GPATCH2L: variants seen among roughly 807,000 people sequenced by gnomAD.
The protein encoded by GPATCH2L is G patch domain-containing protein 2-like.
In GPATCH2L, 31 loss-of-function variants were observed where a neutral mutation model predicts 57.4. The observed-to-expected ratio is 0.54, with a 90% confidence interval of 0.41 to 0.73. The LOEUF (loss-of-function observed/expected upper bound fraction) is 0.73, where lower values mean the gene tolerates loss of function less well. GPATCH2L is among the 30% of genes least tolerant of loss of function. GPATCH2L has a pLI of 0.00. For synonymous variants in GPATCH2L, 199 were observed against 210.7 expected, an observed-to-expected ratio of 0.94 and a Z score of 0.48; for missense variants, 481 against 599.9, an observed-to-expected ratio of 0.80 and a Z score of 2.07.
intron 1 of GPATCH2L, among the ~76,000 whole-genome samples, chr14:76,227,159 A>C (rs74825119): frequency 2.0e-5 from 3 of 152,192 alleles, no homozygotes; most frequent in Admixed American, 6.5e-5. Flanking sequence ...TTTTCTTTTC[A>C]AATAGGCTGT....
chr14:76,195,703 TAAAG>T (rs1363259005), intron 8 of GPATCH2L, among the ~76,000 whole-genome samples, 171 bp from the exon 9 acceptor site: 4 of 152,228 alleles, frequency 2.6e-5, no homozygotes, highest in Non-Finnish European at 1.5e-5. Flanking sequence ...GTATTGTGGA[TAAAG>T]AGTGAGTTAT....
chr14:76,177,324 G>A (rs2039371249), intron 6 of GPATCH2L, among the ~76,000 whole-genome samples: 2 of 152,182 alleles, frequency 1.3e-5, no homozygotes, highest in Non-Finnish European at 2.9e-5. Flanking sequence ...GGGATTACAG[G>A]TGTGAGCCGC....
Position 76,177,992 on chromosome 14 carries a change from A to G in GPATCH2L, c.1057A>G (p.Asn353Asp), listed in dbSNP as rs971778077. Reference protein sequence around the residue: ...IISDPRQKEKNKALASDFPHI... With the variant: ...IISDPRQKEKDKALASDFPHI... ...ATTTGGTTTCCTTTTCTTTAGAAAG[A>G]ATAAAGCGTTGGCTTCTGATTTTCC... Residue 353 changes from asparagine (N) to aspartate (D), a missense_variant, in exon 7 of 10, where the codon AAT becomes GAT. Around this residue, in one of 3 missense-constraint regions of GPATCH2L, gnomAD observed 248 missense variants for 270.5 expected, o/e 0.92. Coordinates refer to ENST00000261530, the MANE Select transcript of GPATCH2L (RefSeq NM_017926.4). 5.0e-6 allele frequency: 8 copies of G among 1,605,206 alleles called. No individual in the cohort carries two copies. In the African/African-American group the frequency reaches 1.1e-4, roughly 21 times the overall value.
intron 2 of GPATCH2L, among the ~76,000 whole-genome samples, chr14:76,165,158 A>C (rs942206429): frequency 2.0e-5 from 3 of 152,188 alleles, no homozygotes; most frequent in Non-Finnish European, 2.9e-5. Flanking sequence ...GGCCCAACTT[A>C]TACTAAGCAC....
chr14:76,173,974 C>T, intron 5 of GPATCH2L: 1 of 319,022 alleles, frequency 3.1e-6, no homozygotes, highest in Non-Finnish European at 5.7e-6. Flanking sequence ...TATGACTCCT[C>T]TTGAATTCAT....
chr14:76,233,934 T>A (rs1386493472), intron 2 of GPATCH2L, among the ~76,000 whole-genome samples: 1 of 151,896 alleles, frequency 6.6e-6, no homozygotes, highest in Non-Finnish European at 1.5e-5. Context: ...CAAGACCTTC[T>A]CTCTACAAAA....
intron 6 of GPATCH2L, among the ~76,000 whole-genome samples, chr14:76,176,965 T>C (rs1206245227): frequency 1.4e-5 from 2 of 146,682 alleles, no homozygotes; most frequent in Non-Finnish European, 3.0e-5. Context: ...AATTTTTCTG[T>C]CCCTAAATTT....
rs1355049544 is a variant in GPATCH2L at position 76,208,498 on chromosome 14, A to G, written c.*6647A>G. On this transcript the variant is annotated 3_prime_UTR_variant, in exon 10 of 10. Coordinates refer to ENST00000261530, the MANE Select transcript of GPATCH2L (RefSeq NM_017926.4). ...ACCCTTTTACCCCCACCTTCTCTCA[A>G]TCTTAGCAGTTAATCTCAGCCCTCC... The G allele has an allele frequency of 6.6e-6, 1 of 152,016 alleles. No homozygotes were observed. The highest frequency in any genetic ancestry group is 1.5e-5 in the Non-Finnish European group (1 of 68,004). The allele number at this position is 152,016 out of a possible 1,614,324, so 9.4% of individuals were successfully genotyped here.
chr14:76,195,505 G>C (rs150602475), intron 8 of GPATCH2L, among the ~76,000 whole-genome samples: 2 of 152,130 alleles, frequency 1.3e-5, no homozygotes, highest in Non-Finnish European at 2.9e-5. Context: ...TGTTCATGCA[G>C]CATTAAACTT....
chr14:76,199,477 G>A (rs932482498), intron 9 of GPATCH2L, among the ~76,000 whole-genome samples: 1 of 152,046 alleles, frequency 6.6e-6, no homozygotes, highest in African/African-American at 2.4e-5. Context: ...CATGTATGTG[G>A]TATTCTATTG....
In GPATCH2L at chr14:76,180,796, T is replaced by C; in HGVS notation, c.1140T>C (p.Asp380=). The C allele has an allele frequency of 1.2e-6, 2 of 1,613,528 alleles. No individual in the cohort carries two copies. The highest frequency in any genetic ancestry group is 1.7e-6 in the Non-Finnish European group (2 of 1,179,394). ...CCCTGTCTCCCCTTTACTCCCTGGA[T>C]GTTCTTGCCGATGCTTCTCACCGAA... ...FNPLSPLYSL[D]VLADASHRRC... The change falls in exon 8 of 10, where the codon GAT becomes GAC. Residue 380 remains aspartate (D), a synonymous_variant. Coordinates refer to ENST00000261530, the MANE Select transcript of GPATCH2L (RefSeq NM_017926.4).
intron 2 of GPATCH2L, among the ~76,000 whole-genome samples, chr14:76,158,947 G>C (rs1828657070): frequency 1.3e-5 from 2 of 152,324 alleles, no homozygotes; most frequent in South Asian, 2.1e-4. Flanking sequence ...TATTGGGATT[G>C]TTCTGTGTGG....
Position 76,203,718 on chromosome 14 carries a change from T to G in GPATCH2L, c.*1867T>G, listed in dbSNP as rs1205251736. ...GTAGAAGTATAGAAAATGTAATGTC[T>G]GTTGAATATAAAATCGTACCACTGA... On this transcript the variant is annotated 3_prime_UTR_variant, in exon 10 of 10. Coordinates refer to ENST00000261530, the MANE Select transcript of GPATCH2L (RefSeq NM_017926.4). 3 of 152,282 alleles carry G rather than the reference T, an allele frequency of 2.0e-5. No homozygotes were observed. The highest frequency in any genetic ancestry group is 2.9e-5 in the Non-Finnish European group (2 of 68,056). 9.4% of individuals were successfully genotyped at this position (152,282 alleles called of 1,614,324 possible). A position where few individuals can be genotyped will look rare whatever the true frequency, so the allele number is the denominator to read the frequency against.
chr14:76,199,896 C>T (rs1190745836), intron 9 of GPATCH2L, among the ~76,000 whole-genome samples: 3 of 152,132 alleles, frequency 2.0e-5, no homozygotes, highest in African/African-American at 7.2e-5. Flanking sequence ...TATTCACAGT[C>T]GTCAAGGTGG....
chr14:76,177,829 T>C, intron 6 of GPATCH2L, 159 bp from the exon 7 acceptor site: 1 of 966,298 alleles, frequency 1.0e-6, no homozygotes, highest in Non-Finnish European at 1.6e-6. Context: ...TCTTCTCCCT[T>C]CTGTAATTTT....
At chr14:76,219,547 A>G (rs994242104) in intron 1 of GPATCH2L, among the ~76,000 whole-genome samples, 2 of 152,230 alleles carry the variant, frequency 1.3e-5, no homozygotes, top group African/African-American at 2.4e-5. Context: ...AATTTGTCCT[A>G]CAGATACAAT....
At chr14:76,156,641 A>C (rs2038320080) in intron 2 of GPATCH2L, among the ~76,000 whole-genome samples, 1 of 152,232 alleles carries the variant, frequency 6.6e-6, no homozygotes, top group African/African-American at 2.4e-5. Context: ...AGTTTGTTTT[A>C]ATATTGAGCA....
chr14:76,197,751 CTACGGCA>C (rs1673145893), intron 9 of GPATCH2L, among the ~76,000 whole-genome samples: 2 of 152,194 alleles, frequency 1.3e-5, no homozygotes, highest in South Asian at 4.1e-4. Context: ...CTAAATCACG[CTACGGCA>C]TACATCTGTT....
intron 4 of GPATCH2L, among the ~76,000 whole-genome samples, 192 bp downstream of exon 4, chr14:76,172,211 A>G (rs2039117287): frequency 6.6e-6 from 1 of 152,154 alleles, no homozygotes; most frequent in South Asian, 2.1e-4. Context: ...TTCCTAAACT[A>G]ATCCATGGAA....
Sources: gnomAD v4.1 joint callset for allele counts (sites outside exome capture counted in the v4.1 genomes callset) on GRCh38, gnomAD v4.1.1 for gene constraint, gnomAD v4.1.1 regional missense constraint, MANE v1.5 for transcripts, NCBI Gene and HGNC (gene_info 2026-07-23, HGNC 2026-07-21) for gene names.